The following RBL1 variants were observed in gnomAD, a reference collection of about 807,000 sequenced individuals.
The protein encoded by RBL1 is RB transcriptional corepressor like 1.
A neutral mutation model predicts 123.0 loss-of-function variants in RBL1; 82 were observed. The ratio of observed to expected loss-of-function variants is 0.67; its 90% CI spans 0.56 to 0.80. The LOEUF (loss-of-function observed/expected upper bound fraction) is 0.80, where lower values mean the gene tolerates loss of function less well. Among genes scored for constraint, RBL1 ranks in the 30% least tolerant of loss-of-function variants. The pLI is 0.00. For missense variants in RBL1, 1,171 were observed against 1,299.6 expected (o/e 0.90, Z 1.52); for synonymous variants, 405 against 441.3 (o/e 0.92, Z 1.03).
At chr20:37,011,104 G>A (rs2146208884) in intron 19 of RBL1, among the ~76,000 whole-genome samples, 2 of 152,280 alleles carry the variant, frequency 1.3e-5, no homozygotes, top group Middle Eastern at 6.8e-3. Flanking sequence ...ACAGGCATGA[G>A]CCACAACACT....
At chr20:37,051,534 C>G (rs1221343391) in intron 11 of RBL1, among the ~76,000 whole-genome samples, 1 of 151,944 alleles carries the variant, frequency 6.6e-6, no homozygotes, top group Non-Finnish European at 1.5e-5. Context: ...AATTATGAGT[C>G]TAAAATAAAG....
chr20:37,059,899 G>A (rs375851196), intron 9 of RBL1, among the ~76,000 whole-genome samples: 34 of 151,992 alleles, frequency 2.2e-4, no homozygotes, highest in Non-Finnish European at 4.1e-4. Context: ...TGGGCTGGGC[G>A]CGGTGGCTCA....
chr20:37,014,416 G>A (rs1348278706), intron 19 of RBL1, among the ~76,000 whole-genome samples: 1 of 152,004 alleles, frequency 6.6e-6, no homozygotes, highest in Admixed American at 6.6e-5. Context: ...ATTATCACTG[G>A]ATATTCTCCC....
At chr20:37,055,435 C>T in intron 11 of RBL1, 118 bp downstream of exon 11, 2 of 1,502,524 alleles carry the variant, frequency 1.3e-6, no homozygotes, top group South Asian at 1.2e-5. Flanking sequence ...TAAATGCCAT[C>T]CTGGCCAAGT....
At chr20:37,053,037 T>TA (rs2064944388) in intron 11 of RBL1, among the ~76,000 whole-genome samples, 1 of 152,156 alleles carries the variant, frequency 6.6e-6, no homozygotes, top group Non-Finnish European at 1.5e-5. Context: ...AGCTTCAAAA[T>TA]ACGTGGAGAA....
chr20:37,080,073 T>C (rs1555871534), intron 2 of RBL1, among the ~76,000 whole-genome samples: 1 of 151,662 alleles, frequency 6.6e-6, no homozygotes, highest in Non-Finnish European at 1.5e-5. Flanking sequence ...CTTTTTTTTT[T>C]CCTCTTCAAT....
At chr20:37,061,398 C>G in intron 8 of RBL1, 129 bp from the exon 9 acceptor site, 2 of 1,276,574 alleles carry the variant, frequency 1.6e-6, no homozygotes, top group Non-Finnish European at 2.0e-6. Flanking sequence ...CAATACTATG[C>G]TAATAACATC....
At chr20:36,999,437 C>CCCTCTCCCT (rs1310813552) in intron 21 of RBL1, among the ~76,000 whole-genome samples, 4 of 142,784 alleles carry the variant, frequency 2.8e-5, no homozygotes, top group Non-Finnish European at 4.5e-5. Flanking sequence ...TCCCTCCTCT[C>CCCTCTCCCT]CCTCTCCCTC....
chr20:37,090,976 T>C (rs1002090652), intron 1 of RBL1, among the ~76,000 whole-genome samples: 4 of 152,190 alleles, frequency 2.6e-5, no homozygotes, highest in Admixed American at 2.6e-4. Flanking sequence ...AATTCAACAA[T>C]TTTCTGCATT....
chr20:37,088,999 C>A lies in RBL1; in HGVS notation c.280G>T (p.Ala94Ser). The A allele has an allele frequency of 6.3e-7, 1 of 1,585,700 alleles. No homozygotes were observed. The highest frequency in any genetic ancestry group is 8.6e-7 in the Non-Finnish European group (1 of 1,165,242). ...CVSLTRILRS[A>S]KLSLIQFFSK... is the part of the protein sequence containing the mutation. ...ATCAAAGAGGTTTACCTTAATTTAG[C>A]TGAACGTAGTATTCTGGTAAGTGAA... The change falls in exon 2 of 22, where the codon GCT (alanine) becomes TCT (serine). Residue 94 changes from alanine (A) to serine (S), a missense_variant. By Grantham distance (99) the Ala-to-Ser change is moderately conservative. Coordinates refer to ENST00000373664, the MANE Select transcript of RBL1 (RefSeq NM_002895.5).
At position 37,095,966 on chromosome 20, in the gene RBL1, AC is replaced by A; in HGVS notation, c.-39del. 1 of 1,449,672 alleles carries A rather than the reference AC, an allele frequency of 6.9e-7. No homozygotes were observed. The allele number at this position is 1,449,672 out of a possible 1,614,324, so 89.8% of individuals were successfully genotyped here. ...CGCGGGCTGCGCGCCACGGCCCCCG[AC>A]TTCTTTCTCCCTCCCAGGCGCGCTA... is the stretch of plus-strand genomic sequence containing the variant. On this transcript the variant is annotated 5_prime_UTR_variant, in exon 1 of 22. Coordinates refer to ENST00000373664, the MANE Select transcript of RBL1 (RefSeq NM_002895.5).
intron 9 of RBL1, among the ~76,000 whole-genome samples, chr20:37,058,752 C>T (rs139584589): frequency 6.6e-6 from 1 of 151,600 alleles, no homozygotes; most frequent in Non-Finnish European, 1.5e-5. Flanking sequence ...TCCACAAACA[C>T]AGATGTCTTT....
intron 16 of RBL1, among the ~76,000 whole-genome samples, chr20:37,028,547 A>T (rs1168547888): frequency 1.3e-5 from 2 of 152,034 alleles, no homozygotes; most frequent in African/African-American, 2.4e-5. Flanking sequence ...ATAATAATAA[A>T]AAATATATAG....
chr20:37,070,437 C>T (rs1043657990), intron 2 of RBL1, among the ~76,000 whole-genome samples: 18 of 151,686 alleles, frequency 1.2e-4, no homozygotes, highest in Admixed American at 2.6e-4. Context: ...CCAAATCCCC[C>T]TCTGTGAGAA....
chr20:37,067,283 C>G lies in RBL1; in HGVS notation c.506G>C (p.Ser169Thr). The change falls in exon 4 of 22, where the codon AGT (serine) becomes ACT (threonine). Residue 169 changes from serine (S) to threonine (T), a missense_variant. By Grantham distance (58) the Ser-to-Thr change is moderately conservative. Coordinates refer to ENST00000373664, the MANE Select transcript of RBL1 (RefSeq NM_002895.5). ...ACAGAAATTAAACAGATCCTTAACA[C>G]TGCAAGGAATCCTCCTAAAAAGGGA... Reference protein sequence around the residue: ...RSRKQRRIPCSVKDLFNFCWT... With the variant: ...RSRKQRRIPCTVKDLFNFCWT... The G allele has an allele frequency of 1.9e-6, 3 of 1,602,972 alleles. No homozygotes were observed. The highest frequency in any genetic ancestry group is 2.5e-6 in the Non-Finnish European group (3 of 1,176,902).
chr20:37,033,018 C>CTTTTTT, intron 15 of RBL1, 142 bp from the exon 16 acceptor site: 1 of 900,342 alleles, frequency 1.1e-6, no homozygotes, highest in African/African-American at 2.0e-5. Context: ...TGACTGAATT[C>CTTTTTT]TTTTTTTTTT....
At position 36,998,892 on chromosome 20, in the gene RBL1, T is replaced by C; in HGVS notation, c.3074A>G (p.Glu1025Gly). Residue 1025 changes from glutamate (E) to glycine (G), a missense_variant, in exon 22 of 22, where the codon GAG becomes GGG. Coordinates refer to ENST00000373664, the MANE Select transcript of RBL1 (RefSeq NM_002895.5). ...KDINNMIRQG[E>G]QRTKKRVIAI... Reference sequence around the variant, plus strand: ...TATTACTCGCTTCTTGGTTCTCTGCTCACCTTGCCTTATCATGTTGTTGAT... The same window carrying C: ...TATTACTCGCTTCTTGGTTCTCTGCCCACCTTGCCTTATCATGTTGTTGAT... 1 of 1,613,726 alleles carries C rather than the reference T, an allele frequency of 6.2e-7. No homozygotes were observed. Among genetic ancestry groups the C allele is most frequent in the Non-Finnish European group, 8.5e-7 (1 of 1,179,810 alleles).
intron 9 of RBL1, among the ~76,000 whole-genome samples, chr20:37,057,912 G>T (rs1029442065): frequency 1.3e-5 from 2 of 151,858 alleles, no homozygotes; most frequent in Non-Finnish European, 2.9e-5. Context: ...GATCACCTGA[G>T]GTCAGGAGTT....
intron 14 of RBL1, 149 bp from the exon 15 acceptor site, chr20:37,035,657 T>C (rs750756274): frequency 6.7e-5 from 43 of 642,758 alleles, no homozygotes; most frequent in Non-Finnish European, 9.4e-5. Context: ...ATATGTAGTC[T>C]ACTGGGAGAA....
Sources: gnomAD v4.1 joint callset for allele counts (sites outside exome capture counted in the v4.1 genomes callset) on GRCh38, gnomAD v4.1.1 for gene constraint, MANE v1.5 for transcripts, NCBI Gene and HGNC (gene_info 2026-07-23, HGNC 2026-07-21) for gene names.